The following PTPRK variants were observed in gnomAD, a reference collection of about 807,000 sequenced individuals.
PTPRK encodes protein tyrosine phosphatase receptor type K, also known as receptor-type tyrosine-protein phosphatase kappa.
In PTPRK, 75 loss-of-function variants were observed where a neutral mutation model predicts 178.0. That is an observed-to-expected ratio of 0.42 (90% CI 0.35 to 0.51). The LOEUF is 0.51. PTPRK is among the 20% of genes least tolerant of loss of function. The pLI is 0.02. For synonymous variants in PTPRK, 637 were observed against 620.6 expected (o/e 1.03, Z -0.39); for missense variants, 1,441 against 1,797.8 (o/e 0.80, Z 3.59).
chr6:128,480,239 G>C lies in PTPRK; in HGVS notation c.100+40020C>G, dbSNP rs78605947. Reference sequence around the variant, plus strand: ...GCTTGACCTCTCTCATTCCCCTTTCGCGCTTGTTCTTCCAGATGCCTGCAG... The same window carrying C: ...GCTTGACCTCTCTCATTCCCCTTTCCCGCTTGTTCTTCCAGATGCCTGCAG... On this transcript the variant is annotated intron_variant, in intron 1 of 29. Transcript: ENST00000368226. Among the ~76,000 whole-genome samples the C allele has an allele frequency of 4.6e-3, 697 of 152,034 alleles. 8 individuals are homozygous for C. The highest frequency in any genetic ancestry group is 0.016 in the African/African-American group (661 of 41,456).
chr6:128,173,566 C>A (rs749826736), intron 7 of PTPRK, among the ~76,000 whole-genome samples: 1 of 151,944 alleles, frequency 6.6e-6, no homozygotes, highest in African/African-American at 2.4e-5. Flanking sequence ...ACTGCCTGAC[C>A]CAATGCCTCA....
intron 13 of PTPRK, among the ~76,000 whole-genome samples, chr6:128,028,128 C>T (rs1774645595): frequency 6.6e-6 from 1 of 152,150 alleles, no homozygotes; most frequent in Non-Finnish European, 1.5e-5. Context: ...ATACTGCACA[C>T]ACTATTTATA....
At chr6:128,115,607 C>T (rs780322813) in intron 7 of PTPRK, among the ~76,000 whole-genome samples, 5 of 151,922 alleles carry the variant, frequency 3.3e-5, no homozygotes, top group Non-Finnish European at 5.9e-5. Flanking sequence ...TTTATAGATG[C>T]TTTTTTCCAT....
chr6:128,512,938 AG>A (rs1284060717), intron 1 of PTPRK, among the ~76,000 whole-genome samples: 1 of 152,236 alleles, frequency 6.6e-6, no homozygotes, highest in African/African-American at 2.4e-5. Flanking sequence ...CAGAGGGAAT[AG>A]TATTTCCTGT....
chr6:128,508,988 T>A (rs901118025), intron 1 of PTPRK, among the ~76,000 whole-genome samples: 4 of 150,884 alleles, frequency 2.7e-5, no homozygotes, highest in African/African-American at 9.8e-5. Context: ...AACGAAAAAA[T>A]TTCATAAATA....
At chr6:128,361,929 T>C (rs1392974264) in intron 2 of PTPRK, among the ~76,000 whole-genome samples, 1 of 152,188 alleles carries the variant, frequency 6.6e-6, no homozygotes. Context: ...CCCAATCATA[T>C]ACTACCTCAA....
At chr6:128,163,076 G>A (rs1798917900) in intron 7 of PTPRK, among the ~76,000 whole-genome samples, 1 of 151,176 alleles carries the variant, frequency 6.6e-6, no homozygotes, top group African/African-American at 2.4e-5. Context: ...AGAAATATTT[G>A]TAAATGCAGT....
intron 1 of PTPRK, among the ~76,000 whole-genome samples, chr6:128,496,494 T>A (rs1854680620): frequency 6.6e-6 from 1 of 152,216 alleles, no homozygotes; most frequent in East Asian, 1.9e-4. Flanking sequence ...ATTTGATGAA[T>A]AACCATTTTT....
chr6:128,252,346 T>G (rs1816594732), intron 3 of PTPRK, among the ~76,000 whole-genome samples: 1 of 152,234 alleles, frequency 6.6e-6, no homozygotes, highest in Non-Finnish European at 1.5e-5. Flanking sequence ...CCACTAGTTA[T>G]TTAAATTAAT....
intron 6 of PTPRK, among the ~76,000 whole-genome samples, chr6:128,208,807 G>C (rs1807496804): frequency 6.6e-6 from 1 of 152,092 alleles, no homozygotes; most frequent in Non-Finnish European, 1.5e-5. Context: ...CCTATGATTA[G>C]TTTAAGGCTT....
chr6:128,297,440 C>A (rs1297500602), intron 3 of PTPRK, among the ~76,000 whole-genome samples: 1 of 152,116 alleles, frequency 6.6e-6, no homozygotes, highest in Non-Finnish European at 1.5e-5. Context: ...CAGCACCACA[C>A]CACATCTATT....
intron 7 of PTPRK, among the ~76,000 whole-genome samples, chr6:128,104,043 T>G (rs1381726655): frequency 6.6e-6 from 1 of 152,208 alleles, no homozygotes; most frequent in East Asian, 1.9e-4. Flanking sequence ...CTTTTCTCTC[T>G]GCCTAGAATG....
At chr6:128,194,169 T>C (rs372168728) in intron 6 of PTPRK, among the ~76,000 whole-genome samples, 1 of 151,088 alleles carries the variant, frequency 6.6e-6, no homozygotes, top group Non-Finnish European at 1.5e-5. Flanking sequence ...CACTGCAAGC[T>C]CCACCTCCTG....
At chr6:128,484,490 C>T (rs897387056) in intron 1 of PTPRK, among the ~76,000 whole-genome samples, 1 of 152,102 alleles carries the variant, frequency 6.6e-6, no homozygotes, top group African/African-American at 2.4e-5. Flanking sequence ...CTAGCTTCAA[C>T]AAATTTGAAT....
Position 127,994,203 on chromosome 6 carries a change from C to T in PTPRK, c.2844+1259G>A, listed in dbSNP as rs73773980. On this transcript the variant is annotated intron_variant, in intron 18 of 29. Coordinates refer to ENST00000368226, the MANE Select transcript of PTPRK (RefSeq NM_002844.4). ...CAATTCATAACTCTAAAATGTGAAC[C>T]TAATAAATGTAATGAAAATTATTTC... 4.3e-3 allele frequency among the ~76,000 whole-genome samples: 647 copies of T among 151,508 alleles called. 2 individuals are homozygous for T. Among genetic ancestry groups the T allele is most frequent in the African/African-American group, 0.015 (617 of 41,422 alleles).
At position 128,178,378 on chromosome 6, in the gene PTPRK, A is replaced by G. The variant is rs565198982; in HGVS notation, c.1162+6054T>C. Among the ~76,000 whole-genome samples the G allele has an allele frequency of 5.9e-5, 9 of 151,980 alleles. No homozygotes were observed. The South Asian group carries it at 1.9e-3, about 31-fold the overall frequency. On this transcript the variant is annotated intron_variant, in intron 7 of 29. Transcript: ENST00000368226. ...AATTTGTGAAATAATTAAACATCTC[A>G]TCAAATACACAGTAGCTCTTGAATT...
chr6:128,305,666 C>A (rs887160425), intron 3 of PTPRK, among the ~76,000 whole-genome samples: 2 of 152,128 alleles, frequency 1.3e-5, no homozygotes, highest in Non-Finnish European at 2.9e-5. Context: ...CAGATTCTGT[C>A]AATTATTCTA....
intron 15 of PTPRK, chr6:128,001,100 C>T (rs534613427): frequency 3.0e-5 from 29 of 971,704 alleles, no homozygotes; most frequent in Middle Eastern, 3.1e-4. Context: ...TGAGGGTACA[C>T]GTACTAATCA....
intron 13 of PTPRK, among the ~76,000 whole-genome samples, chr6:128,025,549 T>C (rs1774162777): frequency 6.6e-6 from 1 of 152,216 alleles, no homozygotes; most frequent in Non-Finnish European, 1.5e-5. Flanking sequence ...TATTAGTTTC[T>C]CAAGGCCACT....
Sources: allele counts gnomAD v4.1 joint callset (sites outside exome capture counted in the v4.1 genomes callset), GRCh38; gene constraint gnomAD v4.1.1; transcripts MANE v1.5; gene names NCBI Gene and HGNC (gene_info 2026-07-23, HGNC 2026-07-21).